Variants in SUMF1 observed in about 807,000 individuals in gnomAD.
SUMF1 encodes the protein formylglycine-generating enzyme.
Under a neutral mutation model 47.6 loss-of-function variants are expected in SUMF1, and 48 were observed. That is an observed-to-expected ratio of 1.01 (90% CI 0.80 to 1.28). SUMF1 has a LOEUF of 1.28. Among genes scored for constraint, SUMF1 ranks in the 50% most tolerant of loss-of-function variants. The pLI, the probability that SUMF1 is intolerant of heterozygous loss-of-function variation, is 0.00. For synonymous variants in SUMF1, 230 were observed against 192.1 expected (o/e 1.20, Z -1.63); for missense variants, 571 against 485.4 (o/e 1.18, Z -1.66).
intron 8 of SUMF1, among the ~76,000 whole-genome samples, chr3:4,224,168 C>G (rs1696126493): frequency 6.6e-6 from 1 of 151,976 alleles, no homozygotes; most frequent in African/African-American, 2.4e-5. Context: ...TGAGCAGAGC[C>G]CAGTGGGCCT....
At chr3:4,111,632 C>T (rs1056150379) in intron 8 of SUMF1, among the ~76,000 whole-genome samples, 55 of 151,888 alleles carry the variant, frequency 3.6e-4, no homozygotes, top group African/African-American at 1.3e-3. Flanking sequence ...CCAGTTACTC[C>T]GGAGGCTGAG....
At chr3:4,094,378 G>A (rs1428293850) in intron 8 of SUMF1, among the ~76,000 whole-genome samples, 1 of 152,002 alleles carries the variant, frequency 6.6e-6, no homozygotes, top group Admixed American at 6.6e-5. Flanking sequence ...TACTAGGGGA[G>A]AAATGGAAGG....
intron 8 of SUMF1, among the ~76,000 whole-genome samples, chr3:4,087,817 A>G (rs1352188737): frequency 6.6e-6 from 1 of 152,160 alleles, no homozygotes; most frequent in Non-Finnish European, 1.5e-5. Flanking sequence ...AGTGAATGAA[A>G]TGTAATAATA....
intron 8 of SUMF1, among the ~76,000 whole-genome samples, chr3:4,180,159 A>G (rs530201756): frequency 6.6e-6 from 1 of 152,348 alleles, no homozygotes; most frequent in South Asian, 2.1e-4. Flanking sequence ...ATCTAGAACT[A>G]GAATTACCAT....
chr3:4,173,045 G>A (rs1260549685), intron 8 of SUMF1, among the ~76,000 whole-genome samples: 1 of 152,122 alleles, frequency 6.6e-6, no homozygotes, highest in Admixed American at 6.6e-5. Context: ...TGTAAGGAAG[G>A]GGTCCAGTTT....
At chr3:4,443,623 G>A (rs962706354) in intron 3 of SUMF1, among the ~76,000 whole-genome samples, 1 of 152,088 alleles carries the variant, frequency 6.6e-6, no homozygotes, top group Non-Finnish European at 1.5e-5. Flanking sequence ...CAATTAGCCA[G>A]GTGTGGTGGC....
Position 4,198,879 on chromosome 3 carries a change from G to C in SUMF1, c.1015-130134C>G, listed in dbSNP as rs575839732. 3.3e-5 allele frequency among the ~76,000 whole-genome samples: 5 copies of C among 152,140 alleles called. No individual in the cohort carries two copies. The South Asian group carries it at 1.0e-3, about 32-fold the overall frequency. ...TATTCTGTCCAAAAAGAAAAAAAAA[G>C]AGTCTACTCACTTTAAAAATAAGAA... is the stretch of plus-strand genomic sequence containing the variant. On this transcript the variant is annotated intron_variant and NMD_transcript_variant, in intron 8 of 12. Coordinates refer to the SUMF1 transcript ENST00000448413.
At chr3:4,273,153 T>C (rs1353552609) in intron 8 of SUMF1, among the ~76,000 whole-genome samples, 1 of 150,434 alleles carries the variant, frequency 6.6e-6, no homozygotes, top group African/African-American at 2.4e-5. Flanking sequence ...ATTTACCATA[T>C]GGTCCAGTAA....
chr3:4,199,444 G>A (rs984602143), intron 8 of SUMF1, among the ~76,000 whole-genome samples: 1 of 152,068 alleles, frequency 6.6e-6, no homozygotes, highest in Non-Finnish European at 1.5e-5. Context: ...TCAGATACAA[G>A]TCTTTGTGTG....
chr3:4,094,065 T>C (rs926642110), intron 8 of SUMF1, among the ~76,000 whole-genome samples: 9 of 152,038 alleles, frequency 5.9e-5, no homozygotes, highest in Non-Finnish European at 1.3e-4. Flanking sequence ...ACTGAACTGA[T>C]ACAGAAAATA....
In SUMF1 at chr3:4,361,576, C is replaced by T. The variant is rs73022033; in HGVS notation, c.*568G>A. 0.041 allele frequency: 6,545 copies of T among 159,156 alleles called. 185 individuals carry two copies. The highest frequency in any genetic ancestry group is 0.079 in the South Asian group (427 of 5,392). 9.9% of individuals were successfully genotyped at this position (159,156 alleles called of 1,614,324 possible). ...TACGAATATAAAGGAGTCACCACAC[C>T]CCTCTTCCGAAAATAATACATAAGA... On this transcript the variant is annotated 3_prime_UTR_variant, in exon 9 of 9. Transcript: ENST00000272902.
At chr3:4,206,713 T>A (rs1300642427) in intron 8 of SUMF1, among the ~76,000 whole-genome samples, 1 of 152,182 alleles carries the variant, frequency 6.6e-6, no homozygotes, top group Non-Finnish European at 1.5e-5. Context: ...CTTTCTTTTG[T>A]CAACAGTTGT....
chr3:4,112,014 G>C lies in SUMF1; in HGVS notation c.1015-43269C>G, dbSNP rs112422337. Reference sequence around the variant, plus strand: ...ATGTGTATACATAAATGACAGGAAAGGCATGAGAAAACAGTCATTGTTCTA... The same window carrying C: ...ATGTGTATACATAAATGACAGGAAACGCATGAGAAAACAGTCATTGTTCTA... On this transcript the variant is annotated intron_variant and NMD_transcript_variant, in intron 8 of 12. Transcript: ENST00000448413. Among the ~76,000 whole-genome samples the C allele has an allele frequency of 4.1e-3, 619 of 152,128 alleles. 8 individuals are homozygous for C. The highest frequency in any genetic ancestry group is 0.014 in the African/African-American group (585 of 41,456).
At chr3:4,346,290 T>C (rs922232317) in intron 8 of SUMF1, among the ~76,000 whole-genome samples, 3 of 152,162 alleles carry the variant, frequency 2.0e-5, no homozygotes, top group Admixed American at 2.0e-4. Context: ...AAAACACTCC[T>C]CAGTAAATGC....
chr3:4,283,949 C>G (rs1438842484), intron 8 of SUMF1, among the ~76,000 whole-genome samples: 1 of 152,096 alleles, frequency 6.6e-6, no homozygotes, highest in Non-Finnish European at 1.5e-5. Flanking sequence ...GTCCCATTCA[C>G]GAGAGATCTG....
At chr3:4,293,484 A>G (rs1215051728) in intron 8 of SUMF1, among the ~76,000 whole-genome samples, 1 of 152,200 alleles carries the variant, frequency 6.6e-6, no homozygotes, top group Non-Finnish European at 1.5e-5. Context: ...ATTAGAAATC[A>G]CTTCTATGAC....
At chr3:4,080,605 C>T (rs1166062177) in intron 8 of SUMF1, among the ~76,000 whole-genome samples, 5 of 152,018 alleles carry the variant, frequency 3.3e-5, no homozygotes, top group Admixed American at 3.3e-4. Context: ...AAACAATGTT[C>T]TAAAAAGGAA....
chr3:4,407,285 A>C (rs1186101784), intron 7 of SUMF1, among the ~76,000 whole-genome samples: 1 of 152,250 alleles, frequency 6.6e-6, no homozygotes, highest in African/African-American at 2.4e-5. Context: ...AAAAAGAAAA[A>C]TATATTTCCT....
chr3:4,287,773 ATAG>A (rs1293357839), intron 8 of SUMF1, among the ~76,000 whole-genome samples: 1 of 152,246 alleles, frequency 6.6e-6, no homozygotes, highest in Non-Finnish European at 1.5e-5. Context: ...TTCAAAGAAT[ATAG>A]TGCTTTTCCT....
Sources: allele counts gnomAD v4.1 joint callset (sites outside exome capture counted in the v4.1 genomes callset), GRCh38; gene constraint gnomAD v4.1.1; transcripts MANE v1.5; gene names NCBI Gene and HGNC (gene_info 2026-07-23, HGNC 2026-07-21).